LOC128462377: variants seen among roughly 807,000 people sequenced by gnomAD.
chr16:89,340,840 G>GA, the LOC128462377 span, among the ~76,000 whole-genome samples: 1 of 152,188 alleles, frequency 6.6e-6, no homozygotes, highest in African/African-American at 2.4e-5. Flanking sequence ...CAGTCCTGGG[G>GA]AGAGGATGCA....
chr16:89,377,277 G>T, the LOC128462377 span, among the ~76,000 whole-genome samples: 1 of 152,180 alleles, frequency 6.6e-6, no homozygotes, highest in Non-Finnish European at 1.5e-5. Context: ...GGGAGAGAGA[G>T]AGAGAGAGCA....
At chr16:89,367,440 C>T in the LOC128462377 span, among the ~76,000 whole-genome samples, 1 of 152,260 alleles carries the variant, frequency 6.6e-6, no homozygotes, top group South Asian at 2.1e-4. Flanking sequence ...GAGACGCTCT[C>T]AAACGACCGG....
chr16:89,373,917 G>A, the LOC128462377 span, among the ~76,000 whole-genome samples: 18 of 152,286 alleles, frequency 1.2e-4, no homozygotes, highest in Admixed American at 3.3e-4. Flanking sequence ...CGGTCCACAC[G>A]GGACAGGGTC....
At chr16:89,388,228 C>T in the LOC128462377 span, among the ~76,000 whole-genome samples, 1 of 151,832 alleles carries the variant, frequency 6.6e-6, no homozygotes, top group African/African-American at 2.4e-5. Flanking sequence ...CTGACTCCGA[C>T]GCAATCACCC....
the LOC128462377 span, among the ~76,000 whole-genome samples, chr16:89,365,927 T>C: frequency 2.6e-5 from 4 of 152,230 alleles, no homozygotes; most frequent in Admixed American, 2.6e-4. Flanking sequence ...GTTCTCATCA[T>C]TTCGTTCCCA....
chr16:89,374,088 G>A, the LOC128462377 span, among the ~76,000 whole-genome samples: 9 of 152,188 alleles, frequency 5.9e-5, no homozygotes, highest in Non-Finnish European at 1.2e-4. Context: ...GTGTTAACCC[G>A]AGACAAAAAT....
chr16:89,371,124 GGACGAGCGTCTT>G, the LOC128462377 span, among the ~76,000 whole-genome samples: 1 of 152,148 alleles, frequency 6.6e-6, no homozygotes, highest in African/African-American at 2.4e-5. Flanking sequence ...GGGGAAGACG[GGACGAGCGTCTT>G]GACTTTCAGG....
At chr16:89,378,077 T>C in the LOC128462377 span, among the ~76,000 whole-genome samples, 2 of 152,150 alleles carry the variant, frequency 1.3e-5, no homozygotes, top group African/African-American at 2.4e-5. Flanking sequence ...ATGAGGGGCA[T>C]GGTGGCTCAC....
At chr16:89,318,994 G>T in the LOC128462377 span, among the ~76,000 whole-genome samples, 1 of 152,218 alleles carries the variant, frequency 6.6e-6, no homozygotes, top group African/African-American at 2.4e-5. Context: ...GGGCATCTCA[G>T]CACCTGACTC....
chr16:89,396,675 T>C, the LOC128462377 span, among the ~76,000 whole-genome samples: 77 of 152,240 alleles, frequency 5.1e-4, no homozygotes, highest in African/African-American at 1.8e-3. Flanking sequence ...GCTCCTCTAA[T>C]TGCTATTTGT....
the LOC128462377 span, among the ~76,000 whole-genome samples, chr16:89,385,158 G>C: frequency 1.3e-4 from 19 of 151,516 alleles, no homozygotes; most frequent in Admixed American, 1.2e-3. Context: ...TTACAGGCGT[G>C]AGCCACTGTA....
the LOC128462377 span, among the ~76,000 whole-genome samples, chr16:89,353,971 G>C: frequency 6.6e-6 from 1 of 152,150 alleles, no homozygotes; most frequent in African/African-American, 2.4e-5. Flanking sequence ...GGCGGAGCTG[G>C]CTTCCAGCCT....
chr16:89,410,071 C>T, the LOC128462377 span, among the ~76,000 whole-genome samples: 1 of 152,164 alleles, frequency 6.6e-6, no homozygotes, highest in Non-Finnish European at 1.5e-5. Flanking sequence ...GATCTCCTGA[C>T]CTCGTGATCC....
chr16:89,335,287 C>G, the LOC128462377 span, among the ~76,000 whole-genome samples: 3 of 152,170 alleles, frequency 2.0e-5, no homozygotes, highest in African/African-American at 7.2e-5. Context: ...AGTGCACCCC[C>G]AAGCAGGGGC....
the LOC128462377 span, among the ~76,000 whole-genome samples, chr16:89,414,225 T>C: frequency 0.021 from 3,169 of 152,350 alleles, 71 homozygotes; most frequent in East Asian, 0.11. Context: ...AGTCCAAGCC[T>C]CTTTTCATAT....
chr16:89,374,304 G>T, the LOC128462377 span, among the ~76,000 whole-genome samples: 1 of 151,800 alleles, frequency 6.6e-6, no homozygotes, highest in Admixed American at 6.6e-5. Context: ...AGAGAGCCGA[G>T]GTCAGCGAGT....
the LOC128462377 span, among the ~76,000 whole-genome samples, chr16:89,319,740 C>A: frequency 6.6e-6 from 1 of 152,240 alleles, no homozygotes; most frequent in South Asian, 2.1e-4. Flanking sequence ...TGCCATCTAG[C>A]CCAGGCTACA....
chr16:89,349,435 G>A, the LOC128462377 span, among the ~76,000 whole-genome samples: 3 of 152,108 alleles, frequency 2.0e-5, no homozygotes, highest in East Asian at 1.9e-4. Flanking sequence ...AGCTGAGATC[G>A]CGCCACTGCA....
chr16:89,399,618 A>G, the LOC128462377 span, among the ~76,000 whole-genome samples: 1 of 152,036 alleles, frequency 6.6e-6, no homozygotes, highest in Non-Finnish European at 1.5e-5. Context: ...CCAACCATAG[A>G]CTGCACAGCA....
Sources: gnomAD v4.1 joint callset for allele counts (sites outside exome capture counted in the v4.1 genomes callset) on GRCh38, gnomAD v4.1.1 for gene constraint, MANE v1.5 for transcripts.